REEP4: variants seen among roughly 807,000 people sequenced by gnomAD.
The protein encoded by REEP4 is receptor accessory protein 4.
REEP4 carries 17 observed loss-of-function variants against 33.5 expected under a neutral mutation model. The observed-to-expected ratio is 0.51, with a 90% confidence interval of 0.35 to 0.76. The LOEUF is 0.76. Ranked by LOEUF, REEP4 falls within the 30% of genes least tolerant of loss-of-function variation. REEP4 has a pLI of 0.01. For synonymous variants in REEP4, 157 were observed against 142.9 expected (o/e 1.10, Z -0.70); for missense variants, 340 against 357.9 (o/e 0.95, Z 0.40).
In REEP4 at chr8:22,139,441, G is replaced by A. The variant is rs1193616598; in HGVS notation, c.392C>T (p.Ser131Phe). The A allele has an allele frequency of 2.5e-6, 4 of 1,608,224 alleles. No homozygotes were observed. The highest frequency in any genetic ancestry group is 3.3e-4 in the Middle Eastern group (2 of 6,056). ...CTTGGTGGCAGCCTGCACAGCAGCG[G>A]AGGCGGCAATGTTGAGGCCCCGCTT... ...FGKRGLNIAASAAVQAATKSQ... is the reference protein window; with the variant it reads ...FGKRGLNIAAFAAVQAATKSQ... The change falls in exon 5 of 8, where the codon TCC becomes TTC. Residue 131 changes from serine to phenylalanine, a missense_variant. By Grantham distance (155) the Ser-to-Phe change is radical (BLOSUM62 -2). Coordinates refer to ENST00000306306, the MANE Select transcript of REEP4 (RefSeq NM_025232.4).
chr8:22,138,758 C>G lies in REEP4; in HGVS notation c.589G>C (p.Glu197Gln). ...TCAGTATCTGACCAACACTCATCCTCGGTGTCGCTGTCCTGCAGGCCCCCG... is the reference window on the plus strand; with the variant it reads ...TCAGTATCTGACCAACACTCATCCTGGGTGTCGCTGTCCTGCAGGCCCCCG... ...RAGGLQDSDT[E>Q]DECWSDTEAV... The change falls in exon 7 of 8, where the codon GAG becomes CAG. Residue 197 changes from glutamate (E) to glutamine (Q), a missense_variant. Coordinates refer to ENST00000306306, the MANE Select transcript of REEP4 (RefSeq NM_025232.4). 6.2e-7 allele frequency: 1 copy of G among 1,609,398 alleles called. No individual in the cohort carries two copies. The highest frequency in any genetic ancestry group is 8.5e-7 in the Non-Finnish European group (1 of 1,178,706).
At chr8:22,141,379 C>T in intron 1 of REEP4, 72 bp downstream of exon 1, 2 of 1,543,716 alleles carry the variant, frequency 1.3e-6, no homozygotes, top group Non-Finnish European at 1.8e-6. Flanking sequence ...TCCCACTAGA[C>T]GTCCACAGCT....
At chr8:22,139,138 G>A (rs746798048) in intron 5 of REEP4, 77 bp from the exon 6 acceptor site, 42 of 1,526,214 alleles carry the variant, frequency 2.8e-5, no homozygotes, top group Admixed American at 7.9e-5. Context: ...GAGCTGAGAC[G>A]CAGAAGTGAA....
chr8:22,141,338 T>G (rs763437537), intron 1 of REEP4, 113 bp downstream of exon 1: 2 of 1,273,376 alleles, frequency 1.6e-6, no homozygotes, highest in Non-Finnish European at 1.1e-6. Flanking sequence ...TTGCATGGAG[T>G]GCTGGAGGGT....
At chr8:22,140,976 T>G (rs1827221212) in intron 1 of REEP4, among the ~76,000 whole-genome samples, 1 of 152,064 alleles carries the variant, frequency 6.6e-6, no homozygotes, top group Non-Finnish European at 1.5e-5. Flanking sequence ...CACCAGACTG[T>G]CCCCTCCCAT....
chr8:22,139,909 C>T (rs1281208581), intron 4 of REEP4, 54 bp downstream of exon 4: 2 of 1,549,116 alleles, frequency 1.3e-6, no homozygotes, highest in South Asian at 1.2e-5. Context: ...AGGTCCAGGG[C>T]TCTTTCCCTC....
rs1827237281 is a variant in REEP4 at position 22,141,817 on chromosome 8, G to A, written c.-335C>T. 3.2e-6 allele frequency: 1 copy of A among 314,670 alleles called. No individual in the cohort carries two copies. The highest frequency in any genetic ancestry group is 8.5e-4 in the Middle Eastern group (1 of 1,174). 19.5% of individuals were successfully genotyped at this position (314,670 alleles called of 1,614,324 possible). On this transcript the variant is annotated 5_prime_UTR_variant, in exon 1 of 8. Transcript: ENST00000306306. ...CCCTTGCTGCTGGTCCCGCGCTGGA[G>A]CGGGTCGCCGCGGTTCCAGCGCGCC...
chr8:22,140,243 C>T lies in REEP4; in HGVS notation c.111G>A (p.Arg37=). Residue 37 remains arginine (R), a synonymous_variant, in exon 3 of 8, where the codon CGG becomes CGA. Transcript: ENST00000306306. Reference sequence around the variant, plus strand: ...CAAAAACAATCCAGTACATCATCCACCGCACCTGTGGGGTGAGCGCCCAGA... The same window carrying T: ...CAAAAACAATCCAGTACATCATCCATCGCACCTGTGGGGTGAGCGCCCAGA... ...VKTKNIREYV[R]WMMYWIVFAL... is the part of the protein sequence containing the mutation. The T allele has an allele frequency of 6.2e-7, 1 of 1,614,122 alleles. No individual in the cohort carries two copies. The highest frequency in any genetic ancestry group is 2.2e-5 in the East Asian group (1 of 44,884).
Position 22,138,120 on chromosome 8 carries a change from G to A in REEP4, c.*367C>T, listed in dbSNP as rs1433958861. 2 of 582,198 alleles carry A rather than the reference G, an allele frequency of 3.4e-6. No homozygotes were observed. Among genetic ancestry groups the A allele is most frequent in the East Asian group, 5.7e-5 (2 of 35,284 alleles). The allele number at this position is 582,198 out of a possible 1,614,324, so 36.1% of individuals were successfully genotyped here. A position where few individuals can be genotyped will look rare whatever the true frequency, so the allele number is the denominator to read the frequency against. ...ACACATGTGCCAGGCCTTATGAAAG[G>A]CTATCAAGTACTTTGAAGGACAGGA... is the stretch of plus-strand genomic sequence containing the variant. On this transcript the variant is annotated 3_prime_UTR_variant, in exon 8 of 8. Transcript: ENST00000306306.
In REEP4 at chr8:22,141,610, C is replaced by G; in HGVS notation, c.-128G>C. On this transcript the variant is annotated 5_prime_UTR_variant, in exon 1 of 8. Transcript: ENST00000306306. ...GAGGGGCGATCCGGCTGTCCCTCGG[C>G]GGAGGCAGAGCCCGCCGCCCACGGC... The G allele has an allele frequency of 1.0e-6, 1 of 986,260 alleles. No individual in the cohort carries two copies. 61.1% of individuals were successfully genotyped at this position (986,260 alleles called of 1,614,324 possible).
chr8:22,141,426 G>T (rs1468153464), intron 1 of REEP4, 25 bp downstream of exon 1: 1 of 1,600,818 alleles, frequency 6.2e-7, no homozygotes, highest in Non-Finnish European at 8.5e-7. Context: ...CGGGGTAGAG[G>T]AGGTCTGAGG....
Position 22,140,231 on chromosome 8 carries a change from G to A in REEP4, c.123C>T (p.Tyr41=). Residue 41 remains tyrosine (Y), a synonymous_variant, in exon 3 of 8, where the codon TAC becomes TAT. Coordinates refer to ENST00000306306, the MANE Select transcript of REEP4 (RefSeq NM_025232.4). ...CCATGAAGAGTGCAAAAACAATCCA[G>A]TACATCATCCACCGCACCTGTGGGG... ...NIREYVRWMM[Y]WIVFALFMAA... is the part of the protein sequence containing the mutation. 6.2e-7 allele frequency: 1 copy of A among 1,614,122 alleles called. No homozygotes were observed. Among genetic ancestry groups the A allele is most frequent in the South Asian group, 1.1e-5 (1 of 91,086 alleles).
In REEP4 at chr8:22,139,032, C is replaced by A; in HGVS notation, c.447G>T (p.Arg149=). 6.3e-7 allele frequency: 1 copy of A among 1,584,406 alleles called. No homozygotes were observed. The highest frequency in any genetic ancestry group is 8.6e-7 in the Non-Finnish European group (1 of 1,166,558). ...AGCGCAGGTCCTGCATGGAGAAGCT[C>A]CGCAGCCTGCCGGCCAGCGCCCCCT... ...KSQGALAGRL[R]SFSMQDLRSI... is the part of the protein sequence containing the mutation. The change falls in exon 6 of 8, where the codon CGG becomes CGT. Residue 149 remains arginine, a synonymous_variant. Transcript: ENST00000306306.
At chr8:22,139,923 C>A in intron 4 of REEP4, 40 bp downstream of exon 4, 2 of 1,554,570 alleles carry the variant, frequency 1.3e-6, no homozygotes, top group South Asian at 2.4e-5. Flanking sequence ...TTCCCTCATA[C>A]CCACCCCTAA....
intron 1 of REEP4, among the ~76,000 whole-genome samples, chr8:22,141,208 G>A (rs1040415756): frequency 2.0e-5 from 3 of 152,266 alleles, no homozygotes; most frequent in African/African-American, 7.2e-5. Flanking sequence ...TCGGCTCCAC[G>A]CATCTGTTTG....
intron 5 of REEP4, 25 bp from the exon 6 acceptor site, chr8:22,139,086 G>A (rs73549542): frequency 0.02 from 31,340 of 1,560,758 alleles, 349 homozygotes; most frequent in African/African-American, 0.043. Flanking sequence ...AGGCTTCAGC[G>A]GGGAGGCTGC....
At chr8:22,139,838 C>T (rs1827197799) in intron 4 of REEP4, 125 bp downstream of exon 4, 3 of 1,228,726 alleles carry the variant, frequency 2.4e-6, no homozygotes, top group African/African-American at 3.0e-5. Context: ...TGTCAAGGTC[C>T]TGCCCCTCAA....
Sources: gnomAD v4.1 joint callset for allele counts (sites outside exome capture counted in the v4.1 genomes callset) on GRCh38, gnomAD v4.1.1 for gene constraint, MANE v1.5 for transcripts, NCBI Gene and HGNC (gene_info 2026-07-23, HGNC 2026-07-21) for gene names.